FAM234A: variants seen among roughly 807,000 people sequenced by gnomAD.
FAM234A encodes the protein protein FAM234A.
A neutral mutation model predicts 49.1 loss-of-function variants in FAM234A; 42 were observed. The observed-to-expected ratio is 0.86, with a 90% CI of 0.67 to 1.11. FAM234A has a LOEUF of 1.11. Among genes scored for constraint, FAM234A ranks in the 50% least tolerant of loss-of-function variants. The pLI is 0.00. For synonymous variants in FAM234A, 369 were observed against 316.2 expected (o/e 1.17, Z -1.77); for missense variants, 815 against 745.2 (o/e 1.09, Z -1.09).
At chr16:260,503 C>G (rs567328705) in intron 5 of FAM234A, 2 of 492,494 alleles carry the variant, frequency 4.1e-6, no homozygotes, top group African/African-American at 1.9e-5. Flanking sequence ...TGGCAGTGCC[C>G]AGGGCGAGCC....
downstream of FAM234A, chr16:269,093 G>T: frequency 1.1e-6 from 1 of 937,870 alleles, no homozygotes; most frequent in Non-Finnish European, 1.7e-6. Context: ...GGGCAGGGAG[G>T]GCTTGCTGGA....
At position 265,918 on chromosome 16, in the gene FAM234A, C is replaced by A; in HGVS notation, c.*896C>A. On this transcript the variant is annotated 3_prime_UTR_variant, in exon 13 of 13. Coordinates refer to ENST00000399932, the MANE Select transcript of FAM234A (RefSeq NM_032039.4). ...CCGGTGCTCACACGCCCACGCCGTG[C>A]CACCCGATGCAGGACTCACCTCTGT... 1 of 986,398 alleles carries A rather than the reference C, an allele frequency of 1.0e-6. No individual in the cohort carries two copies. Among genetic ancestry groups the A allele is most frequent in the Non-Finnish European group, 1.2e-6 (1 of 830,444 alleles). 61.1% of individuals were successfully genotyped at this position (986,398 alleles called of 1,614,324 possible).
In FAM234A at chr16:264,926, A is replaced by T. The variant is rs2051638025; in HGVS notation, c.1563A>T (p.Pro521=). The part of the protein sequence containing the change: ...VIKHKVRDLV[P]SSRVVRLGEG... ...AGCACAAGGTGCGGGACCTTGTCCC[A>T]AGCAGCAGGGTGGTCCGCCTGGGTG... Residue 521 remains proline (P), a synonymous_variant, in exon 13 of 13, where the codon CCA becomes CCT. Transcript: ENST00000399932. 1 of 1,612,930 alleles carries T rather than the reference A, an allele frequency of 6.2e-7. No homozygotes were observed. Among genetic ancestry groups the T allele is most frequent in the African/African-American group, 1.3e-5 (1 of 74,934 alleles).
chr16:261,539 C>T (rs1179332481), intron 6 of FAM234A, 25 bp downstream of exon 6: 3 of 1,561,230 alleles, frequency 1.9e-6, no homozygotes, highest in Non-Finnish European at 2.6e-6. Flanking sequence ...GGCTCTGCTC[C>T]CAAGTCACGA....
At chr16:247,203 T>G (rs2050842510) in intron 1 of FAM234A, 1 of 152,034 alleles carries the variant, frequency 6.6e-6, no homozygotes, top group South Asian at 2.1e-4. Flanking sequence ...TGATCACCAC[T>G]CATTGCAGCC....
At chr16:260,654 A>T (rs1438184174) in intron 5 of FAM234A, 1 of 471,256 alleles carries the variant, frequency 2.1e-6, no homozygotes. Flanking sequence ...GCACGGGGCC[A>T]TGTGTGTGTG....
chr16:236,449 C>T (rs914425328), intron 1 of FAM234A, among the ~76,000 whole-genome samples: 16 of 151,358 alleles, frequency 1.1e-4, no homozygotes, highest in South Asian at 6.3e-4. Context: ...ATGGTGAAAT[C>T]CCGTCTCTAC....
In FAM234A at chr16:261,332, G is replaced by A; in HGVS notation, c.578-52G>A. 3.2e-6 allele frequency: 5 copies of A among 1,582,248 alleles called. No homozygotes were observed. In the Admixed American group the frequency reaches 5.1e-5, roughly 16 times the overall value. On this transcript the variant is annotated intron_variant, in intron 5 of 12. Transcript: ENST00000399932. ...TCACAGGCCTTGCAGTTGCCGGGCT[G>A]CTGTTGAAGGGGACTCAGGGCCACG...
intron 10 of FAM234A, 84 bp from the exon 11 acceptor site, chr16:263,932 C>T: frequency 6.7e-7 from 1 of 1,495,346 alleles, no homozygotes; most frequent in Non-Finnish European, 9.2e-7. Context: ...GCTGGCATGG[C>T]TGAGGGCACG....
chr16:259,326 GA>G (rs1227543621), intron 3 of FAM234A, among the ~76,000 whole-genome samples, 156 bp from the exon 4 acceptor site: 2 of 152,122 alleles, frequency 1.3e-5, no homozygotes, highest in Non-Finnish European at 2.9e-5. Flanking sequence ...TTTCACGAAG[GA>G]AATTACTCAT....
In FAM234A at chr16:265,253, C is replaced by G; in HGVS notation, c.*231C>G. On this transcript the variant is annotated 3_prime_UTR_variant, in exon 13 of 13. Transcript: ENST00000399932. Reference sequence around the variant, plus strand: ...GCCCAGCATCCTCCCTGAGTCCCCACACAGGGCCTCACTCTGCACCCCACC... The same window carrying G: ...GCCCAGCATCCTCCCTGAGTCCCCAGACAGGGCCTCACTCTGCACCCCACC... The G allele has an allele frequency of 7.3e-7, 1 of 1,361,362 alleles. No individual in the cohort carries two copies. Among genetic ancestry groups the G allele is most frequent in the Non-Finnish European group, 9.4e-7 (1 of 1,058,562 alleles). The allele number at this position is 1,361,362 out of a possible 1,614,324, so 84.3% of individuals were successfully genotyped here.
At chr16:246,221 AT>A (rs1422558612) in intron 1 of FAM234A, among the ~76,000 whole-genome samples, 70 of 151,214 alleles carry the variant, frequency 4.6e-4, no homozygotes, top group African/African-American at 1.6e-3. Flanking sequence ...TCTCAAAAAA[AT>A]AATAATAATA....
downstream of FAM234A, chr16:268,353 G>A (rs76735572): frequency 7.4e-3 from 1,940 of 261,354 alleles, 44 homozygotes; most frequent in African/African-American, 0.04. Flanking sequence ...TGTGCTGGAC[G>A]CTGTTGGGAG....
intron 2 of FAM234A, among the ~76,000 whole-genome samples, chr16:252,489 CT>C (rs2051060309): frequency 6.6e-6 from 1 of 152,072 alleles, no homozygotes; most frequent in African/African-American, 2.4e-5. Context: ...GCCGGAAAGT[CT>C]GTTTTTAATT....
intron 2 of FAM234A, among the ~76,000 whole-genome samples, chr16:251,132 T>C (rs1015500487): frequency 1.3e-5 from 2 of 152,138 alleles, no homozygotes; most frequent in African/African-American, 2.4e-5. Flanking sequence ...AGTTTTTTTG[T>C]ATTTTTAGTA....
Position 264,153 on chromosome 16 carries a change from G to T in FAM234A, c.1326G>T (p.Leu442=). The T allele has an allele frequency of 6.2e-7, 1 of 1,604,976 alleles. No individual in the cohort carries two copies. The change falls in exon 11 of 13, where the codon CTG becomes CTT. Residue 442 remains leucine (L), a synonymous_variant. Coordinates refer to ENST00000399932, the MANE Select transcript of FAM234A (RefSeq NM_032039.4). ...TCTTCTTCTGGGGCCTCCACGAGCT[G>T]GGGAGCACCAGCGAGACGGTACGGG... is the stretch of plus-strand genomic sequence containing the variant. ...SAFFFWGLHE[L]GSTSETETGE...
intron 1 of FAM234A, among the ~76,000 whole-genome samples, chr16:245,298 G>C (rs1283396028): frequency 6.6e-6 from 1 of 152,144 alleles, no homozygotes; most frequent in Non-Finnish European, 1.5e-5. Flanking sequence ...AGTGAGCCTA[G>C]ATCACCACTG....
chr16:249,946 A>T (rs138736657), intron 2 of FAM234A, among the ~76,000 whole-genome samples: 2,463 of 151,680 alleles, frequency 0.016, 97 homozygotes, highest in African/African-American at 0.055. Flanking sequence ...TTTATTATTT[A>T]AAAAAAATTT....
chr16:261,058 C>T, intron 5 of FAM234A: 1 of 289,978 alleles, frequency 3.4e-6, no homozygotes, highest in South Asian at 3.4e-5. Flanking sequence ...AGCATGGGCC[C>T]TAGAGGTTCC....
Sources: gnomAD v4.1 joint callset for allele counts (sites outside exome capture counted in the v4.1 genomes callset) on GRCh38, gnomAD v4.1.1 for gene constraint, MANE v1.5 for transcripts, NCBI Gene and HGNC (gene_info 2026-07-23, HGNC 2026-07-21) for gene names.